Variants in MYO1F observed in about 807,000 individuals in gnomAD.
MYO1F encodes myosin IF, also known as unconventional myosin-If.
MYO1F carries 60 observed loss-of-function variants against 146.6 expected under a neutral mutation model. The observed-to-expected ratio is 0.41, with a 90% CI of 0.33 to 0.51. The LOEUF (loss-of-function observed/expected upper bound fraction) is 0.51, where lower values mean the gene tolerates loss of function less well. MYO1F is among the 20% of genes least tolerant of loss of function. The pLI is 0.25. For synonymous variants in MYO1F, 602 were observed against 602.1 expected, an observed-to-expected ratio of 1.00 and a Z score of 0.00; for missense variants, 1,274 against 1,534.3, an observed-to-expected ratio of 0.83 and a Z score of 2.83.
At chr19:8,549,949 C>G in intron 10 of MYO1F, 1 of 631,386 alleles carries the variant, frequency 1.6e-6, no homozygotes, top group Non-Finnish European at 2.8e-6. Context: ...TACACATGCA[C>G]ACCACTACAC....
intron 1 of MYO1F, among the ~76,000 whole-genome samples, chr19:8,560,887 C>T (rs1338315422): frequency 4.6e-5 from 7 of 151,936 alleles, no homozygotes; most frequent in South Asian, 2.1e-4. Flanking sequence ...TACAGGCGCC[C>T]GCCACCACGG....
intron 19 of MYO1F, among the ~76,000 whole-genome samples, chr19:8,535,200 G>C (rs113214325): frequency 0.034 from 5,160 of 152,130 alleles, 181 homozygotes; most frequent in African/African-American, 0.094. Flanking sequence ...GTGTGAGCCA[G>C]TGCGCCTGGC....
At chr19:8,565,982 G>A (rs959628608) in intron 1 of MYO1F, among the ~76,000 whole-genome samples, 4 of 151,840 alleles carry the variant, frequency 2.6e-5, no homozygotes, top group Non-Finnish European at 4.4e-5. Flanking sequence ...GGTGGTATGC[G>A]CCTGTAGTCC....
intron 14 of MYO1F, among the ~76,000 whole-genome samples, chr19:8,542,540 G>A (rs1973023541): frequency 6.6e-6 from 1 of 152,016 alleles, no homozygotes; most frequent in Admixed American, 6.6e-5. Flanking sequence ...GTTCTGAGCA[G>A]GGCTTTTGCA....
At chr19:8,557,146 G>A (rs556792875) in intron 1 of MYO1F, among the ~76,000 whole-genome samples, 1 of 152,148 alleles carries the variant, frequency 6.6e-6, no homozygotes, top group African/African-American at 2.4e-5. Context: ...AATTAGACGA[G>A]TGGTGGCATG....
intron 1 of MYO1F, among the ~76,000 whole-genome samples, chr19:8,574,573 TTCTTTCTCTCTCTCTCTCTC>T (rs1568380859): frequency 0.011 from 960 of 90,012 alleles, 23 homozygotes; most frequent in African/African-American, 0.046. Context: ...CTTTCTTTCT[TTCTTTCTCTCTCTCTCTCTC>T]TCTCTTTCTT....
Position 8,555,811 on chromosome 19 carries a change from G to C in MYO1F, c.4-15C>G, listed in dbSNP as rs756939714. ...TCCTTGCTGCCCTGGGGGGTGAGAGGGGGGTCGGGGTGAGCCCTTGCACGG... is the reference window on the plus strand; with the variant it reads ...TCCTTGCTGCCCTGGGGGGTGAGAGCGGGGTCGGGGTGAGCCCTTGCACGG... On this transcript the variant is annotated splice_polypyrimidine_tract_variant and intron_variant, in intron 1 of 27. Coordinates refer to ENST00000644032, the MANE Select transcript of MYO1F (RefSeq NM_012335.4). 1.6e-5 allele frequency: 26 copies of C among 1,608,080 alleles called. No individual in the cohort carries two copies. Among genetic ancestry groups the C allele is most frequent in the Admixed American group, 1.2e-4 (7 of 59,892 alleles).
intron 1 of MYO1F, among the ~76,000 whole-genome samples, chr19:8,559,709 G>A (rs1204621047): frequency 2.0e-5 from 3 of 152,054 alleles, no homozygotes; most frequent in Admixed American, 6.6e-5. Context: ...CAGCACTTTG[G>A]GAGGCCGAGG....
At chr19:8,572,442 A>G (rs373099666) in intron 1 of MYO1F, among the ~76,000 whole-genome samples, 29 of 151,832 alleles carry the variant, frequency 1.9e-4, no homozygotes, top group African/African-American at 7.0e-4. Context: ...TAATTTTTGT[A>G]TTTTTAGTAG....
chr19:8,532,665 T>C (rs548333398), intron 19 of MYO1F, among the ~76,000 whole-genome samples: 25 of 151,966 alleles, frequency 1.6e-4, no homozygotes, highest in African/African-American at 5.8e-4. Flanking sequence ...GGTGGGAGCA[T>C]TGTTGAGCCC....
In MYO1F at chr19:8,530,633, C is replaced by T; in HGVS notation, c.2044-60G>A. 7.5e-7 allele frequency: 1 copy of T among 1,337,762 alleles called. No individual in the cohort carries two copies. Among genetic ancestry groups the T allele is most frequent in the Non-Finnish European group, 1.1e-6 (1 of 940,534 alleles). The allele number at this position is 1,337,762 out of a possible 1,614,324, so 82.9% of individuals were successfully genotyped here. A position where few individuals can be genotyped will look rare whatever the true frequency, so the allele number is the denominator to read the frequency against. On this transcript the variant is annotated intron_variant, in intron 19 of 27. Coordinates refer to ENST00000644032, the MANE Select transcript of MYO1F (RefSeq NM_012335.4). The surrounding 1 kb of genome is among the most constrained non-coding windows in gnomAD (Gnocchi z 5.8). ...TGGTGTCTCCCCAGGGGCTGCAGTTCCGGGTTTTCCCTGCGCTCACCCTAC... is the reference window on the plus strand; with the variant it reads ...TGGTGTCTCCCCAGGGGCTGCAGTTTCGGGTTTTCCCTGCGCTCACCCTAC...
Position 8,521,128 on chromosome 19 carries a change from T to C in MYO1F, c.*400A>G. ...AACTCGTGCTTTCACCTGGCAAAGG[T>C]TTATTGCCTTAGTGATGACAGAATG... On this transcript the variant is annotated 3_prime_UTR_variant, in exon 28 of 28. Coordinates refer to ENST00000644032, the MANE Select transcript of MYO1F (RefSeq NM_012335.4). 1 of 316,896 alleles carries C rather than the reference T, an allele frequency of 3.2e-6. No individual in the cohort carries two copies. Among genetic ancestry groups the C allele is most frequent in the Non-Finnish European group, 6.2e-6 (1 of 160,600 alleles). 19.6% of individuals were successfully genotyped at this position (316,896 alleles called of 1,614,324 possible).
intron 1 of MYO1F, among the ~76,000 whole-genome samples, chr19:8,567,978 C>T (rs966228580): frequency 1.3e-5 from 2 of 152,228 alleles, no homozygotes; most frequent in African/African-American, 4.8e-5. Context: ...GCCCTCCTGG[C>T]TCTCCCGGCT....
intron 21 of MYO1F, among the ~76,000 whole-genome samples, chr19:8,528,888 T>G (rs1046805311): frequency 1.3e-5 from 2 of 152,254 alleles, no homozygotes; most frequent in South Asian, 4.1e-4. Flanking sequence ...GGTGAGGGTG[T>G]ACCTGGTAGA....
chr19:8,568,740 G>T (rs2042055688), intron 1 of MYO1F, among the ~76,000 whole-genome samples: 1 of 152,062 alleles, frequency 6.6e-6, no homozygotes, highest in Non-Finnish European at 1.5e-5. Flanking sequence ...GGCCAACATG[G>T]TGAAACCTCA....
chr19:8,541,345 A>G (rs1410281976), intron 15 of MYO1F, among the ~76,000 whole-genome samples: 1 of 151,378 alleles, frequency 6.6e-6, no homozygotes, highest in African/African-American at 2.4e-5. Context: ...TCTAAGAACC[A>G]CATGTCAAAC....
chr19:8,548,298 T>C lies in MYO1F; in HGVS notation c.1121A>G (p.Gln374Arg). 1 of 1,612,552 alleles carries C rather than the reference T, an allele frequency of 6.2e-7. No homozygotes were observed. The highest frequency in any genetic ancestry group is 8.5e-7 in the Non-Finnish European group (1 of 1,179,992). ...FLVEAINRAM[Q>R]KPQEEYSIGV... ...GATGCTGTACTCTTCCTGGGGTTTC[T>C]GCATAGCACGGTTGATGGCCTGCGG... Residue 374 changes from glutamine to arginine, a missense_variant, in exon 11 of 28, where the codon CAG (glutamine) becomes CGG (arginine). Physicochemically the swap from Gln to Arg is conservative, Grantham distance 43 (BLOSUM62 1). Around this residue, in one of 2 missense-constraint regions of MYO1F, gnomAD observed 900 missense variants for 1,155.1 expected, o/e 0.78. Coordinates refer to ENST00000644032, the MANE Select transcript of MYO1F (RefSeq NM_012335.4).
Position 8,555,736 on chromosome 19 carries a change from T to C in MYO1F, c.64A>G (p.Met22Val). Reference sequence around the variant, plus strand: ...TCGGTGATCTGGGGAAGAAGCACCATGTCATCCACGCCGCTCTGCTTCACG... The same window carrying C: ...TCGGTGATCTGGGGAAGAAGCACCACGTCATCCACGCCGCTCTGCTTCACG... ...HNVKQSGVDD[M>V]VLLPQITEDA... Residue 22 changes from methionine (M) to valine (V), a missense_variant, in exon 2 of 28, where the codon ATG (methionine) becomes GTG (valine). Around this residue, in one of 2 missense-constraint regions of MYO1F, gnomAD observed 900 missense variants for 1,155.1 expected, o/e 0.78. Coordinates refer to ENST00000644032, the MANE Select transcript of MYO1F (RefSeq NM_012335.4). 2 of 1,614,096 alleles carry C rather than the reference T, an allele frequency of 1.2e-6. No homozygotes were observed. The highest frequency in any genetic ancestry group is 1.7e-6 in the Non-Finnish European group (2 of 1,180,008).
In MYO1F at chr19:8,521,227, A is replaced by T. The variant is rs1354697950; in HGVS notation, c.*301T>A. On this transcript the variant is annotated 3_prime_UTR_variant, in exon 28 of 28. Coordinates refer to ENST00000644032, the MANE Select transcript of MYO1F (RefSeq NM_012335.4). ...CACTTTGCCAACAGCACAGGACTCA[A>T]GACCCATTTCTTAATCACATGGCAG... is the stretch of plus-strand genomic sequence containing the variant. 2.2e-6 allele frequency: 1 copy of T among 460,450 alleles called. No individual in the cohort carries two copies. The highest frequency in any genetic ancestry group is 4.3e-5 in the East Asian group (1 of 23,436). The allele number at this position is 460,450 out of a possible 1,614,324, so 28.5% of individuals were successfully genotyped here.
Sources: allele counts gnomAD v4.1 joint callset (sites outside exome capture counted in the v4.1 genomes callset), GRCh38; gene constraint gnomAD v4.1.1; regional missense constraint gnomAD v4.1.1; non-coding constraint Gnocchi (gnomAD v3.1); transcripts MANE v1.5; gene names NCBI Gene and HGNC (gene_info 2026-07-23, HGNC 2026-07-21).